The following MEF2A variants were observed in gnomAD, a reference collection of about 807,000 sequenced individuals.
The protein encoded by MEF2A is myocyte enhancer factor 2A, also known as myocyte-specific enhancer factor 2A.
In MEF2A, 28 loss-of-function variants were observed where a neutral mutation model predicts 55.8. The observed-to-expected ratio is 0.50, with a 90% CI of 0.37 to 0.69. The LOEUF (loss-of-function observed/expected upper bound fraction) is 0.69. Ranked by LOEUF, MEF2A falls within the 30% of genes least tolerant of loss-of-function variation. The pLI, the probability that MEF2A is intolerant of heterozygous loss-of-function variation, is 0.00. For synonymous variants in MEF2A, 239 were observed against 227.1 expected, an observed-to-expected ratio of 1.05 and a Z score of -0.47; for missense variants, 528 against 626.2, an observed-to-expected ratio of 0.84 and a Z score of 1.67.
chr15:99,643,741 A>G (rs1334944605), intron 3 of MEF2A, among the ~76,000 whole-genome samples: 1 of 151,596 alleles, frequency 6.6e-6, no homozygotes, highest in Non-Finnish European at 1.5e-5. Context: ...ACAGGCGCCC[A>G]CCACCACGCC....
chr15:99,646,408 CATAAG>C (rs1213679010), intron 4 of MEF2A, among the ~76,000 whole-genome samples: 1 of 152,060 alleles, frequency 6.6e-6, no homozygotes, highest in African/African-American at 2.4e-5. Flanking sequence ...CAAGATCTTC[CATAAG>C]ATAACTTTTC....
chr15:99,614,876 G>A (rs1336766441), intron 2 of MEF2A, among the ~76,000 whole-genome samples: 1 of 152,168 alleles, frequency 6.6e-6, no homozygotes, highest in Non-Finnish European at 1.5e-5. Flanking sequence ...GAAGCTTGCT[G>A]GGCAAGAGGA....
chr15:99,671,096 C>T (rs1285151694), intron 4 of MEF2A, among the ~76,000 whole-genome samples: 2 of 152,156 alleles, frequency 1.3e-5, no homozygotes, highest in African/African-American at 4.8e-5. Context: ...AGGAAGAATC[C>T]AAACAAATAT....
intron 10 of MEF2A, among the ~76,000 whole-genome samples, chr15:99,708,519 G>A (rs924919651): frequency 6.6e-6 from 1 of 152,314 alleles, no homozygotes; most frequent in South Asian, 2.1e-4. Context: ...GTCGCTTAGC[G>A]TCAGTCTCAT....
At chr15:99,629,802 T>C (rs1316327715) in intron 2 of MEF2A, among the ~76,000 whole-genome samples, 1 of 152,014 alleles carries the variant, frequency 6.6e-6, no homozygotes, top group Non-Finnish European at 1.5e-5. Flanking sequence ...TAGCCGGGCG[T>C]GGTGGCACGT....
At chr15:99,579,254 G>A (rs867829015) in intron 1 of MEF2A, among the ~76,000 whole-genome samples, 9 of 149,438 alleles carry the variant, frequency 6.0e-5, no homozygotes, top group Non-Finnish European at 8.9e-5. Context: ...TTGTTTGAAT[G>A]TATTTAATTC....
intron 1 of MEF2A, among the ~76,000 whole-genome samples, chr15:99,587,181 A>G (rs901653649): frequency 6.6e-6 from 1 of 151,940 alleles, no homozygotes; most frequent in African/African-American, 2.4e-5. Flanking sequence ...TGCATTAGGT[A>G]TTTCTCATAA....
chr15:99,565,486 GGCGGCTGA>G (rs1567116724), upstream of MEF2A: 1 of 150,346 alleles, frequency 6.7e-6, no homozygotes, highest in Non-Finnish European at 1.5e-5. Context: ...GGGAGGTGGC[GGCGGCTGA>G]GCGGCGGAGC....
chr15:99,571,014 G>T (rs112531867), intron 1 of MEF2A, among the ~76,000 whole-genome samples: 1 of 151,904 alleles, frequency 6.6e-6, no homozygotes, highest in East Asian at 1.9e-4. Context: ...GTGAAACCCC[G>T]TTTCCACTAA....
At position 99,674,608 on chromosome 15, in the gene MEF2A, T is replaced by C; in HGVS notation, c.606T>C (p.Asn202=). ...GAPQRPPSTG[N]AGGMLSTTDL... is the part of the protein sequence containing the mutation. ...CTCAGAGACCACCAAGTACTGGCAA[T>C]GCAGGTATGTAGTGATACCTATTAT... is the stretch of plus-strand genomic sequence containing the variant. The change falls in exon 6 of 12, where the codon AAT becomes AAC. Residue 202 remains asparagine, a synonymous_variant. Transcript: ENST00000557942. The C allele has an allele frequency of 1.2e-6, 2 of 1,611,940 alleles. No individual in the cohort carries two copies. Among genetic ancestry groups the C allele is most frequent in the Non-Finnish European group, 1.7e-6 (2 of 1,178,020 alleles).
intron 7 of MEF2A, among the ~76,000 whole-genome samples, chr15:99,684,757 A>G (rs758382971): frequency 1.3e-5 from 2 of 152,206 alleles, no homozygotes; most frequent in African/African-American, 2.4e-5. Context: ...GTTCTTGATC[A>G]TGAACCCTTT....
chr15:99,627,419 CAAAAAAAAAAAAAAA>C (rs139658538), intron 2 of MEF2A, among the ~76,000 whole-genome samples: 17 of 43,056 alleles, frequency 3.9e-4, no homozygotes, highest in Non-Finnish European at 6.4e-4. Context: ...GACTTTATCT[CAAAAAAAAAAAAAAA>C]AAAAAAAAAA....
At chr15:99,688,634 G>A (rs1049801743) in intron 7 of MEF2A, among the ~76,000 whole-genome samples, 1 of 152,242 alleles carries the variant, frequency 6.6e-6, no homozygotes, top group Non-Finnish European at 1.5e-5. Context: ...GCGGGCGCCT[G>A]TAGTCCCAGC....
chr15:99,641,040 G>A (rs775999477), intron 3 of MEF2A, among the ~76,000 whole-genome samples: 10 of 152,132 alleles, frequency 6.6e-5, no homozygotes, highest in Non-Finnish European at 5.9e-5. Context: ...ACTAGTTTGC[G>A]TGATCCCAGT....
rs1252864988 is a variant in MEF2A, at chr15:99,671,432, A to G, written c.368A>G (p.Asp123Gly). 6.2e-7 allele frequency: 1 copy of G among 1,613,894 alleles called. No homozygotes were observed. Residue 123 changes from aspartate to glycine, a missense_variant, in exon 5 of 12, where the codon GAT becomes GGT. Transcript: ENST00000557942. ...DRFSKLNEDS[D>G]FIFKRGPPGL... ...TTCAGCAAACTAAATGAAGATAGTGATTTTATTTTCAAACGAGGCCCTGTA... is the reference window on the plus strand; with the variant it reads ...TTCAGCAAACTAAATGAAGATAGTGGTTTTATTTTCAAACGAGGCCCTGTA...
chr15:99,711,347 T>C (rs2058622415), intron 11 of MEF2A, among the ~76,000 whole-genome samples: 1 of 152,166 alleles, frequency 6.6e-6, no homozygotes, highest in South Asian at 2.1e-4. Flanking sequence ...CCCAGCCCAA[T>C]GCACACACCA....
At chr15:99,671,536 A>G in intron 5 of MEF2A, 82 bp downstream of exon 5, 1 of 1,613,874 alleles carries the variant, frequency 6.2e-7, no homozygotes, top group Non-Finnish European at 8.5e-7. Context: ...AACAAGAAGG[A>G]ACACAGAGGG....
intron 8 of MEF2A, among the ~76,000 whole-genome samples, chr15:99,694,236 G>A (rs1389123014): frequency 6.6e-6 from 1 of 152,124 alleles, no homozygotes; most frequent in African/African-American, 2.4e-5. Context: ...AGATTTGTCT[G>A]ATGTTTTTCT....
chr15:99,705,886 T>A (rs1399599900), intron 9 of MEF2A, among the ~76,000 whole-genome samples: 2 of 152,248 alleles, frequency 1.3e-5, no homozygotes, highest in East Asian at 3.8e-4. Context: ...CAGAGTCTGT[T>A]GTGTTCCTCT....
Sources: allele counts gnomAD v4.1 joint callset (sites outside exome capture counted in the v4.1 genomes callset), GRCh38; gene constraint gnomAD v4.1.1; transcripts MANE v1.5; gene names NCBI Gene and HGNC (gene_info 2026-07-23, HGNC 2026-07-21).